SRGAP3: variants seen among roughly 807,000 people sequenced by gnomAD.
SRGAP3 encodes the protein SLIT-ROBO Rho GTPase-activating protein 3.
SRGAP3 carries 39 observed loss-of-function variants against 121.1 expected under a neutral mutation model. The observed-to-expected ratio is 0.32, with a 90% CI of 0.25 to 0.42. The LOEUF is 0.42. Among genes scored for constraint, SRGAP3 ranks in the 10% least tolerant of loss-of-function variants. SRGAP3 has a pLI of 1.00. For synonymous variants in SRGAP3, 601 were observed against 570.0 expected (o/e 1.05, Z -0.77); for missense variants, 1,213 against 1,470.6 (o/e 0.82, Z 2.86).
chr3:9,185,035 G>A (rs1951552434), intron 1 of SRGAP3, among the ~76,000 whole-genome samples: 2 of 152,234 alleles, frequency 1.3e-5, no homozygotes, highest in South Asian at 4.1e-4. Context: ...AGACCAGCCT[G>A]GCCAACATGG....
At chr3:9,152,091 C>A (rs1453562147) in intron 1 of SRGAP3, among the ~76,000 whole-genome samples, 1 of 152,206 alleles carries the variant, frequency 6.6e-6, no homozygotes, top group Non-Finnish European at 1.5e-5. Context: ...TCCATGAGGG[C>A]AGGGATCATT....
At chr3:9,247,943 C>T (rs1249783271) in intron 1 of SRGAP3, among the ~76,000 whole-genome samples, 1 of 152,170 alleles carries the variant, frequency 6.6e-6, no homozygotes, top group Non-Finnish European at 1.5e-5. Context: ...TGGGAGAAGC[C>T]CCAGTCTGGC....
At chr3:9,317,231 G>A (rs1396678067) in intron 3 of SRGAP3, among the ~76,000 whole-genome samples, 1 of 152,120 alleles carries the variant, frequency 6.6e-6, no homozygotes, top group Non-Finnish European at 1.5e-5. Flanking sequence ...CTCCATTCAC[G>A]CTCCCATTGT....
chr3:9,334,210 A>T (rs1019565862), intron 1 of SRGAP3, among the ~76,000 whole-genome samples: 127 of 152,044 alleles, frequency 8.4e-4, no homozygotes, highest in Non-Finnish European at 3.5e-4. Context: ...AAGTTTTTTT[A>T]AAAAAATTTA....
chr3:9,341,038 TCA>T (rs1228539853), intron 1 of SRGAP3, among the ~76,000 whole-genome samples: 2 of 152,238 alleles, frequency 1.3e-5, no homozygotes, highest in Non-Finnish European at 2.9e-5. Flanking sequence ...GAAAGTGTCC[TCA>T]CATAACAGAT....
intron 10 of SRGAP3, among the ~76,000 whole-genome samples, chr3:9,038,916 C>A (rs1025150416): frequency 6.6e-6 from 1 of 152,108 alleles, no homozygotes; most frequent in Non-Finnish European, 1.5e-5. Flanking sequence ...TTCTGTTGAC[C>A]CCATTTCTCC....
chr3:8,995,790 T>G (rs1268971218), intron 18 of SRGAP3, among the ~76,000 whole-genome samples: 1 of 152,238 alleles, frequency 6.6e-6, no homozygotes, highest in African/African-American at 2.4e-5. Flanking sequence ...AAACTGATTT[T>G]GTATAGGTAT....
At chr3:9,315,476 C>T (rs568746927) in intron 3 of SRGAP3, among the ~76,000 whole-genome samples, 2 of 152,158 alleles carry the variant, frequency 1.3e-5, no homozygotes, top group Non-Finnish European at 2.9e-5. Context: ...ACAGAGAGCA[C>T]GTGGACTGAG....
chr3:9,207,893 G>A (rs115954515), intron 1 of SRGAP3, among the ~76,000 whole-genome samples: 2,428 of 152,294 alleles, frequency 0.016, 26 homozygotes, highest in Non-Finnish European at 0.024. Context: ...TGCAACACAT[G>A]AGGGATATTG....
At chr3:9,299,286 G>A (rs1179318989) in intron 3 of SRGAP3, among the ~76,000 whole-genome samples, 3 of 149,088 alleles carry the variant, frequency 2.0e-5, no homozygotes, top group Non-Finnish European at 3.0e-5. Context: ...GCTTGAACTC[G>A]AGAGGCGGAG....
chr3:9,212,127 G>A (rs1952467631), intron 1 of SRGAP3, among the ~76,000 whole-genome samples: 1 of 152,088 alleles, frequency 6.6e-6, no homozygotes, highest in African/African-American at 2.4e-5. Context: ...AAGACTCAAG[G>A]CACAATAATT....
intron 9 of SRGAP3, among the ~76,000 whole-genome samples, chr3:9,052,589 A>G (rs1314956618): frequency 6.6e-6 from 1 of 152,238 alleles, no homozygotes; most frequent in African/African-American, 2.4e-5. Flanking sequence ...GGGATTTTAC[A>G]TGAAGGGCTA....
chr3:9,064,888 TAAG>T (rs1220784053), intron 4 of SRGAP3, among the ~76,000 whole-genome samples: 1 of 141,104 alleles, frequency 7.1e-6, no homozygotes, highest in Non-Finnish European at 1.6e-5. Context: ...AATAAATAAA[TAAG>T]GAGGAAATTT....
intron 1 of SRGAP3, among the ~76,000 whole-genome samples, chr3:9,241,736 A>C (rs1953645941): frequency 6.6e-6 from 1 of 152,130 alleles, no homozygotes; most frequent in Non-Finnish European, 1.5e-5. Flanking sequence ...GTTAGATAAG[A>C]TCATGAAGAT....
intron 1 of SRGAP3, among the ~76,000 whole-genome samples, chr3:9,230,887 GA>G (rs1181649774): frequency 1.4e-3 from 200 of 145,816 alleles, no homozygotes; most frequent in Middle Eastern, 7.4e-3. Context: ...GAAAAGAAAA[GA>G]AAAAAGAGCA....
chr3:9,138,402 A>G (rs1949737288), intron 1 of SRGAP3, among the ~76,000 whole-genome samples: 1 of 152,222 alleles, frequency 6.6e-6, no homozygotes, highest in South Asian at 2.1e-4. Flanking sequence ...ATTTTTTAAT[A>G]TAAAAGGAGT....
chr3:9,203,969 G>A (rs1192047252), intron 1 of SRGAP3, among the ~76,000 whole-genome samples: 3 of 152,068 alleles, frequency 2.0e-5, no homozygotes, highest in Non-Finnish European at 2.9e-5. Context: ...AGCATCTCTG[G>A]CCCATTCCCC....
intron 1 of SRGAP3, among the ~76,000 whole-genome samples, chr3:9,362,226 C>G (rs1438657578): frequency 3.1e-5 from 2 of 65,136 alleles, no homozygotes; most frequent in Non-Finnish European, 5.8e-5. Flanking sequence ...AGTGCAGTGG[C>G]ACAATCTTGG....
chr3:9,003,402 C>T (rs943707550), intron 18 of SRGAP3, among the ~76,000 whole-genome samples: 14 of 152,052 alleles, frequency 9.2e-5, no homozygotes, highest in African/African-American at 3.4e-4. Flanking sequence ...TCACTTGAAC[C>T]CAGGAGGCAG....
Sources: allele counts gnomAD v4.1 joint callset (sites outside exome capture counted in the v4.1 genomes callset), GRCh38; gene constraint gnomAD v4.1.1; transcripts MANE v1.5; gene names NCBI Gene and HGNC (gene_info 2026-07-23, HGNC 2026-07-21).